SPON1: variants seen among roughly 807,000 people sequenced by gnomAD.
SPON1 encodes the protein spondin-1.
Under a neutral mutation model 111.7 loss-of-function variants are expected in SPON1, and 52 were observed. The observed-to-expected ratio is 0.47, with a 90% CI of 0.37 to 0.59. The LOEUF is 0.59. Ranked by LOEUF, SPON1 falls within the 20% of genes least tolerant of loss-of-function variation. SPON1 has a pLI of 0.00. For missense variants in SPON1, 957 were observed against 1,068.5 expected (o/e 0.90, Z 1.46); for synonymous variants, 410 against 395.8 (o/e 1.04, Z -0.43).
At chr11:13,969,071 A>G (rs936432253) in intron 1 of SPON1, among the ~76,000 whole-genome samples, 6 of 152,160 alleles carry the variant, frequency 3.9e-5, no homozygotes, top group Non-Finnish European at 8.8e-5. Context: ...ATATAAACTG[A>G]TGTTCCTGCT....
intron 1 of SPON1, among the ~76,000 whole-genome samples, chr11:13,975,254 G>A (rs1445659440): frequency 6.6e-6 from 1 of 152,184 alleles, no homozygotes; most frequent in Admixed American, 6.5e-5. Context: ...GTAGCACTGA[G>A]CTAGTGTAGA....
intron 6 of SPON1, among the ~76,000 whole-genome samples, chr11:14,150,649 G>A (rs1847776183): frequency 6.6e-6 from 1 of 152,092 alleles, no homozygotes. Context: ...AAAGACCCAT[G>A]GTGAGCGTGA....
chr11:14,233,698 C>T (rs1257072372), intron 6 of SPON1, among the ~76,000 whole-genome samples: 1 of 151,792 alleles, frequency 6.6e-6, no homozygotes, highest in African/African-American at 2.4e-5. Flanking sequence ...CGGGACCTGC[C>T]CTGGGATGGC....
At chr11:13,992,048 C>T (rs1230810873) in intron 2 of SPON1, among the ~76,000 whole-genome samples, 1 of 152,220 alleles carries the variant, frequency 6.6e-6, no homozygotes, top group Non-Finnish European at 1.5e-5. Context: ...CAGGGACCCA[C>T]TTGAGGAGGC....
At chr11:14,253,121 C>T (rs141736027) in intron 7 of SPON1, among the ~76,000 whole-genome samples, 182 of 152,296 alleles carry the variant, frequency 1.2e-3, no homozygotes, top group Middle Eastern at 6.8e-3. Context: ...GGAGGCAGCA[C>T]CAGGACCTTG....
In SPON1 at chr11:14,023,988, C is replaced by T. The variant is rs147991538; in HGVS notation, c.346-17533C>T. On this transcript the variant is annotated intron_variant, in intron 2 of 15. Transcript: ENST00000576479. ...CTGCACTCCAGCCTCGGTGACAGTG[C>T]GAGACTCCATCTCAAAGAAAAAAAA... 1.4e-3 allele frequency among the ~76,000 whole-genome samples: 198 copies of T among 139,010 alleles called. 1 individual carries two copies. Among genetic ancestry groups the T allele is most frequent in the African/African-American group, 5.2e-3 (190 of 36,260 alleles). 91.2% of individuals were successfully genotyped at this position (139,010 alleles called of 152,430 possible).
At chr11:14,010,659 G>T (rs1162529633) in intron 2 of SPON1, among the ~76,000 whole-genome samples, 1 of 152,180 alleles carries the variant, frequency 6.6e-6, no homozygotes, top group Non-Finnish European at 1.5e-5. Context: ...CTCTCAATGT[G>T]ACTTCACTTC....
chr11:14,038,283 T>C (rs1848608947), intron 2 of SPON1, among the ~76,000 whole-genome samples: 1 of 152,014 alleles, frequency 6.6e-6, no homozygotes, highest in Non-Finnish European at 1.5e-5. Flanking sequence ...CTGGCCAACA[T>C]GGTGAAACCC....
rs1416836631 is a variant in SPON1, at chr11:14,160,843, TTATATATTTA to T, written c.825+25291_825+25300del. 8.1e-5 allele frequency among the ~76,000 whole-genome samples: 4 copies of T among 49,144 alleles called. 1 individual carries two copies. The highest frequency in any genetic ancestry group is 3.2e-4 in the African/African-American group (4 of 12,674). The allele number at this position is 49,144 out of a possible 152,430, so 32.2% of individuals were successfully genotyped here. A position where few individuals can be genotyped will look rare whatever the true frequency, so the allele number is the denominator to read the frequency against. On this transcript the variant is annotated intron_variant, in intron 6 of 15. Coordinates refer to ENST00000576479, the MANE Select transcript of SPON1 (RefSeq NM_006108.4). ...ATATATTTTATATATATTTATATAT[TTATATATTTA>T]TATATATTTATATATTTTTATATTT...
At chr11:14,201,479 G>T (rs1554935638) in intron 6 of SPON1, among the ~76,000 whole-genome samples, 1 of 151,574 alleles carries the variant, frequency 6.6e-6, no homozygotes, top group Non-Finnish European at 1.5e-5. Context: ...GCTCAGTGCA[G>T]CCTCAACCTC....
chr11:14,004,710 C>T (rs1296479910), intron 2 of SPON1, among the ~76,000 whole-genome samples: 3 of 152,080 alleles, frequency 2.0e-5, no homozygotes, highest in Non-Finnish European at 4.4e-5. Flanking sequence ...TGAGTTTTAA[C>T]AGTTATTTAC....
At chr11:14,192,627 G>C (rs1848358642) in intron 6 of SPON1, among the ~76,000 whole-genome samples, 1 of 151,676 alleles carries the variant, frequency 6.6e-6, no homozygotes, top group Non-Finnish European at 1.5e-5. Context: ...CTCCCTCACG[G>C]TACACCCTCC....
chr11:14,178,637 A>G (rs920910277), intron 6 of SPON1, among the ~76,000 whole-genome samples: 1 of 152,234 alleles, frequency 6.6e-6, no homozygotes, highest in Admixed American at 6.5e-5. Context: ...AGTCAGTAAT[A>G]AATATGATGA....
At chr11:14,064,025 C>A (rs567637325) in intron 3 of SPON1, among the ~76,000 whole-genome samples, 1 of 152,280 alleles carries the variant, frequency 6.6e-6, no homozygotes, top group East Asian at 1.9e-4. Flanking sequence ...GGACATATGG[C>A]AGACACTCAA....
At chr11:14,108,606 A>G (rs1206036868) in intron 5 of SPON1, among the ~76,000 whole-genome samples, 1 of 152,238 alleles carries the variant, frequency 6.6e-6, no homozygotes, top group African/African-American at 2.4e-5. Flanking sequence ...TACAAGGCCT[A>G]ACCAGCAATG....
intron 6 of SPON1, among the ~76,000 whole-genome samples, chr11:14,222,944 T>G (rs1304307762): frequency 6.6e-6 from 1 of 152,192 alleles, no homozygotes; most frequent in African/African-American, 2.4e-5. Context: ...CATCCTTTAC[T>G]GATTCCCAAA....
intron 3 of SPON1, among the ~76,000 whole-genome samples, chr11:14,060,165 A>G (rs1848781089): frequency 6.6e-6 from 1 of 152,356 alleles, no homozygotes; most frequent in Non-Finnish European, 1.5e-5. Flanking sequence ...TCAGAGAGGT[A>G]ATGTGATTTG....
At chr11:14,231,833 G>T (rs949970274) in intron 6 of SPON1, among the ~76,000 whole-genome samples, 11 of 151,042 alleles carry the variant, frequency 7.3e-5, no homozygotes, top group Admixed American at 6.6e-4. Flanking sequence ...AAGTATATAC[G>T]TGTGTGTGTG....
At chr11:13,987,566 AT>A (rs1161972391) in intron 2 of SPON1, among the ~76,000 whole-genome samples, 1 of 152,028 alleles carries the variant, frequency 6.6e-6, no homozygotes, top group Non-Finnish European at 1.5e-5. Flanking sequence ...ATTAGATCCC[AT>A]TTGTCAATTT....
Sources: gnomAD v4.1 joint callset for allele counts (sites outside exome capture counted in the v4.1 genomes callset) on GRCh38, gnomAD v4.1.1 for gene constraint, MANE v1.5 for transcripts, NCBI Gene and HGNC (gene_info 2026-07-23, HGNC 2026-07-21) for gene names.